Variants in RSRC1 observed in about 807,000 individuals in gnomAD.
The protein encoded by RSRC1 is arginine and serine rich coiled-coil 1.
RSRC1 carries 39 observed loss-of-function variants against 49.1 expected under a neutral mutation model. The observed-to-expected ratio is 0.79, with a 90% CI of 0.61 to 1.04. The LOEUF (loss-of-function observed/expected upper bound fraction) is 1.04. Among genes scored for constraint, RSRC1 ranks in the 50% least tolerant of loss-of-function variants. The pLI, the probability that RSRC1 is intolerant of heterozygous loss-of-function variation, is 0.00. For missense variants in RSRC1, 388 were observed against 402.4 expected (o/e 0.96, Z 0.31); for synonymous variants, 143 against 130.8 (o/e 1.09, Z -0.63).
chr3:158,423,217 G>A (rs1305482617), intron 6 of RSRC1, among the ~76,000 whole-genome samples: 4 of 151,890 alleles, frequency 2.6e-5, no homozygotes, highest in Admixed American at 6.6e-5. Flanking sequence ...TAGGTCTAAC[G>A]TTTAAGTCTT....
At chr3:158,251,903 A>G (rs1578245283) in intron 4 of RSRC1, among the ~76,000 whole-genome samples, 1 of 152,334 alleles carries the variant, frequency 6.6e-6, no homozygotes, top group Non-Finnish European at 1.5e-5. Flanking sequence ...CAGATGTTAG[A>G]GGAAAGGCTT....
intron 6 of RSRC1, among the ~76,000 whole-genome samples, chr3:158,388,781 T>G (rs547911482): frequency 6.6e-6 from 1 of 152,172 alleles, no homozygotes; most frequent in African/African-American, 2.4e-5. Flanking sequence ...AGCTAATTTT[T>G]TGTATTTTTA....
intron 6 of RSRC1, among the ~76,000 whole-genome samples, chr3:158,366,113 G>A (rs1014135657): frequency 6.6e-6 from 1 of 152,182 alleles, no homozygotes; most frequent in African/African-American, 2.4e-5. Flanking sequence ...TCACTCTGAT[G>A]ATAGTTTCTT....
intron 7 of RSRC1, among the ~76,000 whole-genome samples, chr3:158,517,065 C>G (rs888386669): frequency 9.8e-5 from 15 of 152,362 alleles, no homozygotes; most frequent in African/African-American, 3.4e-4. Context: ...TTCTGCGTCG[C>G]TCACGCTGGG....
At chr3:158,308,811 G>A (rs1321931032) in intron 5 of RSRC1, among the ~76,000 whole-genome samples, 2 of 151,912 alleles carry the variant, frequency 1.3e-5, no homozygotes, top group African/African-American at 2.4e-5. Flanking sequence ...AGGTATTTCA[G>A]TGAATTTCAT....
At chr3:158,446,100 T>C (rs773962339) in intron 6 of RSRC1, among the ~76,000 whole-genome samples, 2 of 152,068 alleles carry the variant, frequency 1.3e-5, no homozygotes, top group African/African-American at 2.4e-5. Context: ...TGATAAAATA[T>C]TGATAATGAT....
At chr3:158,314,577 A>G (rs185117111) in intron 5 of RSRC1, among the ~76,000 whole-genome samples, 1 of 152,286 alleles carries the variant, frequency 6.6e-6, no homozygotes, top group Non-Finnish European at 1.5e-5. Context: ...GTCAGCATGT[A>G]TAGTTTAGTG....
intron 3 of RSRC1, among the ~76,000 whole-genome samples, chr3:158,182,648 C>G (rs961388817): frequency 6.6e-6 from 1 of 152,080 alleles, no homozygotes; most frequent in African/African-American, 2.4e-5. Context: ...GTGTTGAAAT[C>G]TTTTTTCTTT....
chr3:158,166,291 GT>G (rs577315363), intron 3 of RSRC1, among the ~76,000 whole-genome samples: 1 of 147,566 alleles, frequency 6.8e-6, no homozygotes, highest in South Asian at 2.1e-4. Flanking sequence ...TTGATATAAA[GT>G]TTTTTAATCA....
intron 7 of RSRC1, among the ~76,000 whole-genome samples, chr3:158,533,582 T>C (rs1712538937): frequency 6.6e-6 from 1 of 151,688 alleles, no homozygotes; most frequent in Non-Finnish European, 1.5e-5. Context: ...CTCTGACATT[T>C]AATACTAATG....
intron 4 of RSRC1, among the ~76,000 whole-genome samples, chr3:158,289,795 A>T (rs1011016702): frequency 6.6e-6 from 1 of 152,160 alleles, no homozygotes; most frequent in Non-Finnish European, 1.5e-5. Flanking sequence ...GCAAAAATAG[A>T]AATTATTTTT....
At chr3:158,519,348 A>G (rs1711535499) in intron 7 of RSRC1, among the ~76,000 whole-genome samples, 1 of 151,896 alleles carries the variant, frequency 6.6e-6, no homozygotes, top group Non-Finnish European at 1.5e-5. Context: ...CTCTCGTATT[A>G]GAGAGTGACC....
At chr3:158,244,017 C>G (rs1356378921) in intron 4 of RSRC1, among the ~76,000 whole-genome samples, 2 of 112,210 alleles carry the variant, frequency 1.8e-5, no homozygotes, top group African/African-American at 7.2e-5. Context: ...GAGTTCCTTT[C>G]TAGCTATTTG....
rs181865859 is a variant in RSRC1 at position 158,412,869 on chromosome 3, T to C, written c.584-48066T>C. Among the ~76,000 whole-genome samples, 370 of 152,270 alleles carry C rather than the reference T, an allele frequency of 2.4e-3. 1 individual carries two copies. Among genetic ancestry groups the C allele is most frequent in the Non-Finnish European group, 4.3e-3 (293 of 68,016 alleles). ...TTTGGGGTTTGTTTGCTCTATATCA[T>C]GCTCACAGATAGGAAGAATCAATAT... On this transcript the variant is annotated intron_variant, in intron 6 of 9. Coordinates refer to ENST00000611884, the MANE Select transcript of RSRC1 (RefSeq NM_001271838.2).
chr3:158,157,771 C>T (rs141114069), intron 3 of RSRC1, among the ~76,000 whole-genome samples: 2,513 of 152,052 alleles, frequency 0.017, 59 homozygotes, highest in African/African-American at 0.058. Flanking sequence ...CAAAATTAGC[C>T]GGGCATGGTG....
At chr3:158,522,791 C>T (rs1218962669) in intron 7 of RSRC1, among the ~76,000 whole-genome samples, 3 of 152,134 alleles carry the variant, frequency 2.0e-5, no homozygotes, top group Non-Finnish European at 4.4e-5. Flanking sequence ...TATATATGCT[C>T]ACCCTAAGTT....
At chr3:158,140,412 A>T (rs2108195199) in intron 3 of RSRC1, among the ~76,000 whole-genome samples, 1 of 152,250 alleles carries the variant, frequency 6.6e-6, no homozygotes, top group Admixed American at 6.5e-5. Context: ...TCCGATATGC[A>T]CTCTGCTAAT....
chr3:158,288,543 A>T (rs1355933854), intron 4 of RSRC1, among the ~76,000 whole-genome samples: 1 of 152,198 alleles, frequency 6.6e-6, no homozygotes, highest in Non-Finnish European at 1.5e-5. Flanking sequence ...AGCATGTATC[A>T]CATGCCCTTT....
At chr3:158,239,490 A>G (rs1723440620) in intron 4 of RSRC1, among the ~76,000 whole-genome samples, 1 of 148,962 alleles carries the variant, frequency 6.7e-6, no homozygotes, top group African/African-American at 2.5e-5. Flanking sequence ...GATTAAGAAA[A>G]TGTGGCACAT....
Sources: gnomAD v4.1 joint callset for allele counts (sites outside exome capture counted in the v4.1 genomes callset) on GRCh38, gnomAD v4.1.1 for gene constraint, MANE v1.5 for transcripts, NCBI Gene and HGNC (gene_info 2026-07-23, HGNC 2026-07-21) for gene names.